The following KCNC4 variants were observed in gnomAD, a reference collection of about 807,000 sequenced individuals.
The protein encoded by KCNC4 is voltage-gated potassium channel KCNC4.
KCNC4 carries 23 observed loss-of-function variants against 42.8 expected under a neutral mutation model. The ratio of observed to expected loss-of-function variants is 0.54; its 90% CI spans 0.39 to 0.76. The LOEUF is 0.76. Ranked by LOEUF, KCNC4 falls within the 30% of genes least tolerant of loss-of-function variation. The probability of loss-of-function intolerance (pLI) is 0.00; values close to 1 mark genes in which losing one functional copy is unlikely to be tolerated. For synonymous variants in KCNC4, 422 were observed against 393.5 expected, an observed-to-expected ratio of 1.07 and a Z score of -0.86; for missense variants, 751 against 898.2, an observed-to-expected ratio of 0.84 and a Z score of 2.10.
chr1:110,243,149 G>A (rs1659066923), exon 4 of KCNC4: 1 of 152,276 alleles, frequency 6.6e-6, no homozygotes, highest in African/African-American at 2.4e-5. Context: ...TATTGACACT[G>A]ACAGACCCTG....
intron 1 of KCNC4, among the ~76,000 whole-genome samples, chr1:110,273,258 T>G (rs1456257634): frequency 6.6e-6 from 1 of 152,184 alleles, no homozygotes; most frequent in Non-Finnish European, 1.5e-5. Flanking sequence ...TGTACATAGA[T>G]ATGGGCCTGA....
At chr1:110,217,399 C>A (rs750969269) in intron 1 of KCNC4, among the ~76,000 whole-genome samples, 2 of 152,098 alleles carry the variant, frequency 1.3e-5, no homozygotes, top group African/African-American at 2.4e-5. Context: ...TAAATACATA[C>A]ATAAATAAAT....
At chr1:110,251,314 G>T (rs1340745516), downstream of KCNC4, among the ~76,000 whole-genome samples, 1 of 152,212 alleles carries the variant, frequency 6.6e-6, no homozygotes, top group Non-Finnish European at 1.5e-5. Flanking sequence ...CTGGTGGGAA[G>T]TAATTGAATC....
At chr1:110,268,529 C>G (rs61435880) in intron 1 of KCNC4, among the ~76,000 whole-genome samples, 39,496 of 147,156 alleles carry the variant, frequency 0.27, 5,642 homozygotes, top group Non-Finnish European at 0.33. Context: ...TGGCGTGAAC[C>G]CGGGAGGCAG....
At chr1:110,283,614 G>T (rs1659865266), downstream of KCNC4, among the ~76,000 whole-genome samples, 1 of 152,170 alleles carries the variant, frequency 6.6e-6, no homozygotes, top group South Asian at 2.1e-4. Flanking sequence ...GCTTCCTTCA[G>T]TCAGACTGGG....
chr1:110,225,898 C>T, intron 2 of KCNC4, 77 bp from the exon 3 acceptor site: 1 of 1,353,154 alleles, frequency 7.4e-7, no homozygotes, highest in Non-Finnish European at 1.0e-6. Flanking sequence ...CACTCTGGGT[C>T]TGGGAGACCC....
chr1:110,249,772 T>G (rs1164859878), downstream of KCNC4, among the ~76,000 whole-genome samples: 1 of 152,186 alleles, frequency 6.6e-6, no homozygotes, highest in Non-Finnish European at 1.5e-5. Flanking sequence ...AATTTATTAT[T>G]TTAACCATTT....
chr1:110,241,297 T>G (rs1031098711), exon 4 of KCNC4: 3 of 152,190 alleles, frequency 2.0e-5, no homozygotes, highest in African/African-American at 7.2e-5. Flanking sequence ...CTCTCTTCAT[T>G]TTCTGACCTA....
intron 1 of KCNC4, among the ~76,000 whole-genome samples, chr1:110,264,809 C>T (rs905018603): frequency 2.0e-4 from 30 of 152,154 alleles, no homozygotes; most frequent in African/African-American, 6.7e-4. Flanking sequence ...TGGCTGGGCG[C>T]AGTGGCTCAT....
intron 1 of KCNC4, among the ~76,000 whole-genome samples, chr1:110,264,880 G>A (rs910841330): frequency 2.2e-4 from 33 of 152,098 alleles, no homozygotes; most frequent in African/African-American, 7.2e-4. Context: ...TCGGGAGTTC[G>A]AAACCAGCCT....
intron 3 of KCNC4, chr1:110,232,576 G>C: frequency 7.0e-7 from 1 of 1,435,310 alleles, no homozygotes; most frequent in East Asian, 2.5e-5. Flanking sequence ...GTGGTTCCTG[G>C]AGCTAGTGGT....
rs1311408459 is a variant in KCNC4 at position 110,224,021 on chromosome 1, A to G, written c.1615+121A>G. 3 of 808,198 alleles carry G rather than the reference A, an allele frequency of 3.7e-6. No homozygotes were observed. The East Asian group carries it at 8.1e-5, about 22-fold the overall frequency. 50.1% of individuals were successfully genotyped at this position (808,198 alleles called of 1,614,324 possible). ...GTGTGGGGCTTCCCTAAGCATAAAG[A>G]TGTGCCTTTATGAGGGCAAAGTGTT... On this transcript the variant is annotated intron_variant, in intron 2 of 3. Transcript: ENST00000438661.
chr1:110,232,977 G>T lies in KCNC4; in HGVS notation c.*5G>T. Reference sequence around the variant, plus strand: ...GAAGTCCTCACCCTCTCTTAAAGCGGCACCAACGTGAGAGAGACAGGCAGA... The same window carrying T: ...GAAGTCCTCACCCTCTCTTAAAGCGTCACCAACGTGAGAGAGACAGGCAGA... On this transcript the variant is annotated 3_prime_UTR_variant, in exon 4 of 4. Coordinates refer to ENST00000438661, the MANE Select transcript of KCNC4 (RefSeq NM_001039574.3). 6.2e-7 allele frequency: 1 copy of T among 1,609,242 alleles called. No individual in the cohort carries two copies. Among genetic ancestry groups the T allele is most frequent in the Non-Finnish European group, 8.5e-7 (1 of 1,178,010 alleles).
chr1:110,218,036 C>T (rs902908814), intron 1 of KCNC4, among the ~76,000 whole-genome samples: 6 of 152,276 alleles, frequency 3.9e-5, no homozygotes, highest in African/African-American at 7.2e-5. Flanking sequence ...CCTTCTCCTA[C>T]ACTTCATCCT....
chr1:110,232,510 G>A, intron 3 of KCNC4: 1 of 1,437,652 alleles, frequency 7.0e-7, no homozygotes, highest in Middle Eastern at 2.6e-4. Flanking sequence ...ATGCAAGGCT[G>A]CAGAGCTATG....
intron 1 of KCNC4, among the ~76,000 whole-genome samples, chr1:110,216,061 G>A (rs886393010): frequency 3.3e-5 from 5 of 152,210 alleles, no homozygotes; most frequent in African/African-American, 4.8e-5. Context: ...GAAGGGAGGC[G>A]TGGCTGGGAG....
chr1:110,215,330 G>A (rs1029685751), intron 1 of KCNC4, among the ~76,000 whole-genome samples: 3 of 152,204 alleles, frequency 2.0e-5, no homozygotes, highest in African/African-American at 7.2e-5. Context: ...GCTGGGAACA[G>A]GTACGAGGGG....
chr1:110,225,276 C>T lies in KCNC4; in HGVS notation c.1616-699C>T, dbSNP rs111919879. ...GCCTGGCCAATGGCAGGGCCACTGT[C>T]TTCAGATAGAGTAGCACCCCCTTCT... is the stretch of plus-strand genomic sequence containing the variant. On this transcript the variant is annotated intron_variant, in intron 2 of 3. Transcript: ENST00000438661. 1,241 of 152,436 alleles carry T rather than the reference C, an allele frequency of 8.1e-3. 13 individuals are homozygous for T. The highest frequency in any genetic ancestry group is 0.012 in the Non-Finnish European group (817 of 68,108). The allele number at this position is 152,436 out of a possible 1,614,324, so 9.4% of individuals were successfully genotyped here. A position where few individuals can be genotyped will look rare whatever the true frequency, so the allele number is the denominator to read the frequency against.
intron 2 of KCNC4, chr1:110,224,795 T>C (rs1322119891): frequency 6.6e-6 from 1 of 152,296 alleles, no homozygotes; most frequent in African/African-American, 2.4e-5. Flanking sequence ...ATGTGTAGGC[T>C]GGGCTCCTGG....
Sources: allele counts gnomAD v4.1 joint callset (sites outside exome capture counted in the v4.1 genomes callset), GRCh38; gene constraint gnomAD v4.1.1; transcripts MANE v1.5; gene names NCBI Gene and HGNC (gene_info 2026-07-23, HGNC 2026-07-21).